The following LEF1 variants were observed in gnomAD, a reference collection of about 807,000 sequenced individuals.
LEF1 encodes the protein lymphoid enhancer binding factor 1.
Under a neutral mutation model 51.2 loss-of-function variants are expected in LEF1, and 14 were observed. That is an observed-to-expected ratio of 0.27 (90% CI 0.18 to 0.43). The LOEUF (loss-of-function observed/expected upper bound fraction) is 0.43, where lower values mean the gene tolerates loss of function less well. Among genes scored for constraint, LEF1 ranks in the 20% least tolerant of loss-of-function variants. The pLI is 1.00. For synonymous variants in LEF1, 185 were observed against 183.2 expected (o/e 1.01, Z -0.08); for missense variants, 386 against 512.0 (o/e 0.75, Z 2.37).
intron 3 of LEF1, among the ~76,000 whole-genome samples, chr4:108,095,157 C>G (rs150718330): frequency 1.3e-5 from 2 of 152,134 alleles, no homozygotes; most frequent in East Asian, 1.9e-4. Context: ...AAGATTCAAA[C>G]GGTCCATGAG....
chr4:108,157,179 T>TATATATAC lies in LEF1; in HGVS notation c.414+6388_414+6389insGTATATAT, dbSNP rs780217431. Among the ~76,000 whole-genome samples the TATATATAC allele has an allele frequency of 2.7e-4, 31 of 116,788 alleles. 1 individual carries two copies. Among genetic ancestry groups the TATATATAC allele is most frequent in the Admixed American group, 2.1e-3 (21 of 10,026 alleles). The allele number at this position is 116,788 out of a possible 152,430, so 76.6% of individuals were successfully genotyped here. A position where few individuals can be genotyped will look rare whatever the true frequency, so the allele number is the denominator to read the frequency against. ...CTCTCTCTCTCTCTCTATATATATA[T>TATATATAC]ACACACACACACACACACACACACA... is the stretch of plus-strand genomic sequence containing the variant. On this transcript the variant is annotated intron_variant, in intron 3 of 11. Transcript: ENST00000265165.
chr4:108,094,776 C>T (rs949149887), intron 3 of LEF1, among the ~76,000 whole-genome samples: 1 of 152,180 alleles, frequency 6.6e-6, no homozygotes, highest in Non-Finnish European at 1.5e-5. Flanking sequence ...GGAATTTTAA[C>T]ACTTCATCAA....
At chr4:108,095,724 T>C (rs1277932814) in intron 3 of LEF1, among the ~76,000 whole-genome samples, 1 of 152,190 alleles carries the variant, frequency 6.6e-6, no homozygotes, top group East Asian at 1.9e-4. Context: ...TTCCAAACAT[T>C]ACGTCATTTA....
rs1199789435 is a variant in LEF1, at chr4:108,166,178, C to T, written c.214-1015G>A. On this transcript the variant is annotated intron_variant, in intron 1 of 11. Coordinates refer to ENST00000265165, the MANE Select transcript of LEF1 (RefSeq NM_016269.5). ...ACGCGGGGTTAGGTGCACCCTACCC[C>T]CGCCCCCAGCCCGCTCAAACTGGAT... 7 of 1,332,862 alleles carry T rather than the reference C, an allele frequency of 5.3e-6. No individual in the cohort carries two copies. The South Asian group carries it at 7.7e-5, about 15-fold the overall frequency. The allele number at this position is 1,332,862 out of a possible 1,614,324, so 82.6% of individuals were successfully genotyped here. A position where few individuals can be genotyped will look rare whatever the true frequency, so the allele number is the denominator to read the frequency against.
At chr4:108,151,665 A>T (rs913263020) in intron 3 of LEF1, among the ~76,000 whole-genome samples, 2 of 152,138 alleles carry the variant, frequency 1.3e-5, no homozygotes, top group Non-Finnish European at 2.9e-5. Flanking sequence ...GATAGCACTG[A>T]GTTACTATGA....
At chr4:108,069,054 A>T (rs1459158281) in intron 9 of LEF1, among the ~76,000 whole-genome samples, 1 of 152,154 alleles carries the variant, frequency 6.6e-6, no homozygotes, top group East Asian at 1.9e-4. Context: ...AGGTGATCAT[A>T]GCCTAAGCAA....
chr4:108,133,514 T>C (rs1389027570), intron 3 of LEF1, among the ~76,000 whole-genome samples: 1 of 152,174 alleles, frequency 6.6e-6, no homozygotes, highest in East Asian at 1.9e-4. Flanking sequence ...GAAACCTCTG[T>C]TGGAGCTCAT....
chr4:108,122,995 T>C (rs144872339), intron 3 of LEF1, among the ~76,000 whole-genome samples: 1,916 of 152,360 alleles, frequency 0.013, 39 homozygotes, highest in African/African-American at 0.042. Context: ...ACTGCATATG[T>C]TGACTTTGGC....
chr4:108,079,183 A>G (rs922482672), intron 7 of LEF1, among the ~76,000 whole-genome samples: 2 of 151,734 alleles, frequency 1.3e-5, no homozygotes, highest in African/African-American at 2.4e-5. Context: ...AATCTGAACC[A>G]AATGAAAATT....
intron 3 of LEF1, among the ~76,000 whole-genome samples, chr4:108,152,772 C>T (rs999841012): frequency 6.6e-6 from 1 of 152,216 alleles, no homozygotes; most frequent in Non-Finnish European, 1.5e-5. Context: ...CAGTAATCTG[C>T]CTTTTTAACA....
chr4:108,090,249 A>C (rs1039029498), intron 3 of LEF1, among the ~76,000 whole-genome samples: 2 of 152,312 alleles, frequency 1.3e-5, no homozygotes, highest in Non-Finnish European at 2.9e-5. Flanking sequence ...AAGTGCTGGG[A>C]TTATAGGCAT....
At chr4:108,122,019 T>C (rs1213989423) in intron 3 of LEF1, among the ~76,000 whole-genome samples, 1 of 152,228 alleles carries the variant, frequency 6.6e-6, no homozygotes, top group African/African-American at 2.4e-5. Context: ...AACTAATCCT[T>C]TGAAGTTTTT....
chr4:108,048,080 C>A lies in LEF1; in HGVS notation c.*678G>T, dbSNP rs1248096457. The A allele has an allele frequency of 6.6e-6, 1 of 152,392 alleles. No homozygotes were observed. Among genetic ancestry groups the A allele is most frequent in the Non-Finnish European group, 1.5e-5 (1 of 67,998 alleles). 9.4% of individuals were successfully genotyped at this position (152,392 alleles called of 1,614,324 possible). A position where few individuals can be genotyped will look rare whatever the true frequency, so the allele number is the denominator to read the frequency against. On this transcript the variant is annotated 3_prime_UTR_variant, in exon 12 of 12. Transcript: ENST00000265165. ...AGAAAAAGAAGGCTTCTTTTTATGT[C>A]ATTATTTCAAACTTTTCCAGAACTT...
At chr4:108,061,111 A>G (rs1173040560) in intron 11 of LEF1, among the ~76,000 whole-genome samples, 1 of 152,290 alleles carries the variant, frequency 6.6e-6, no homozygotes, top group Admixed American at 6.5e-5. Flanking sequence ...CAAAGGCTGC[A>G]TGACTGATCC....
chr4:108,099,589 T>TGC (rs1740658093), intron 3 of LEF1, among the ~76,000 whole-genome samples: 1 of 107,524 alleles, frequency 9.3e-6, no homozygotes, highest in East Asian at 2.7e-4. Context: ...TATATATATA[T>TGC]ATATATATAT....
At chr4:108,051,381 G>A (rs1384943855) in intron 11 of LEF1, among the ~76,000 whole-genome samples, 2 of 152,202 alleles carry the variant, frequency 1.3e-5, no homozygotes, top group East Asian at 1.9e-4. Flanking sequence ...TGGGAGAAAC[G>A]GGGGCCTTGT....
At chr4:108,164,607 T>A (rs1745267100) in intron 2 of LEF1, among the ~76,000 whole-genome samples, 1 of 152,186 alleles carries the variant, frequency 6.6e-6, no homozygotes, top group African/African-American at 2.4e-5. Flanking sequence ...TTCCTAATTA[T>A]AAGTTTTATA....
intron 11 of LEF1, among the ~76,000 whole-genome samples, chr4:108,057,025 C>G (rs1365384963): frequency 6.6e-6 from 1 of 152,054 alleles, no homozygotes; most frequent in South Asian, 2.1e-4. Flanking sequence ...CACGTGTTGC[C>G]CTGGCTGCCG....
intron 3 of LEF1, among the ~76,000 whole-genome samples, chr4:108,106,443 G>T (rs1450082350): frequency 2.6e-5 from 4 of 152,162 alleles, no homozygotes; most frequent in Non-Finnish European, 5.9e-5. Flanking sequence ...AGGTTTTCAA[G>T]ATTGAGGCTG....
Sources: gnomAD v4.1 joint callset for allele counts (sites outside exome capture counted in the v4.1 genomes callset) on GRCh38, gnomAD v4.1.1 for gene constraint, MANE v1.5 for transcripts, NCBI Gene and HGNC (gene_info 2026-07-23, HGNC 2026-07-21) for gene names.